TTLL12: variants seen among roughly 807,000 people sequenced by gnomAD.
TTLL12 encodes tubulin tyrosine ligase like 12.
In TTLL12, 77 loss-of-function variants were observed where a neutral mutation model predicts 79.6. The observed-to-expected ratio is 0.97, with a 90% confidence interval of 0.81 to 1.17. The LOEUF (loss-of-function observed/expected upper bound fraction) is 1.17, where lower values mean the gene tolerates loss of function less well. Among genes scored for constraint, TTLL12 ranks in the 50% most tolerant of loss-of-function variants. The pLI is 0.00. For missense variants in TTLL12, 969 were observed against 895.9 expected (o/e 1.08, Z -1.04); for synonymous variants, 437 against 376.1 (o/e 1.16, Z -1.87).
chr22:43,175,553 C>T (rs1034222427), intron 6 of TTLL12: 7 of 152,260 alleles, frequency 4.6e-5, no homozygotes, highest in Non-Finnish European at 1.0e-4. Context: ...CCTTGGTGCC[C>T]AGAGGACAGG....
intron 1 of TTLL12, among the ~76,000 whole-genome samples, chr22:43,186,324 T>A (rs1016610012): frequency 6.6e-6 from 1 of 151,966 alleles, no homozygotes; most frequent in African/African-American, 2.4e-5. Flanking sequence ...GGATGGGCCG[T>A]CCTCACAAAA....
rs537758484 is a variant in TTLL12, at chr22:43,181,745, C to T, written c.348-805G>A. ...AAAATGAAAGGGACAGCCAGTGTTC[C>T]AGTTCTTAGGCTGGGGGGCAAGTTC... On this transcript the variant is annotated intron_variant, in intron 2 of 13. Coordinates refer to ENST00000216129, the MANE Select transcript of TTLL12 (RefSeq NM_015140.4). 1.2e-3 allele frequency among the ~76,000 whole-genome samples: 179 copies of T among 152,318 alleles called. 2 individuals carry two copies. Among genetic ancestry groups the T allele is most frequent in the Admixed American group, 4.8e-3 (74 of 15,310 alleles).
Position 43,168,878 on chromosome 22 carries a change from TG to T in TTLL12, c.1678del (p.Gln560ArgfsTer28). ...GGGTGGTGGCTTGGCACAGGCCACC[TG>T]GAACAGCTCCGTGAAGGCCCGGAAG... ...EIFRAFTELF[Q>X]VACAKPPPLG... On this transcript the variant is annotated frameshift_variant, in exon 13 of 14. Transcript: ENST00000216129. LOFTEE classifies it high-confidence loss of function. 2 of 1,611,366 alleles carry T rather than the reference TG, an allele frequency of 1.2e-6. No individual in the cohort carries two copies. The highest frequency in any genetic ancestry group is 1.7e-6 in the Non-Finnish European group (2 of 1,179,166).
intron 1 of TTLL12, 97 bp from the exon 2 acceptor site, chr22:43,183,246 G>T (rs988511647): frequency 1.2e-5 from 17 of 1,473,392 alleles, no homozygotes; most frequent in Non-Finnish European, 1.4e-5. Context: ...CCACACCCAG[G>T]CCTCAAGGAC....
intron 5 of TTLL12, among the ~76,000 whole-genome samples, chr22:43,177,380 A>AT (rs200992521): frequency 6.8e-6 from 1 of 148,138 alleles, no homozygotes; most frequent in Non-Finnish European, 1.5e-5. Flanking sequence ...TAAAAAATTA[A>AT]AAAAAAAAAA....
At chr22:43,170,130 T>C (rs1601766715) in intron 11 of TTLL12, 1 of 356,138 alleles carries the variant, frequency 2.8e-6, no homozygotes, top group East Asian at 7.4e-5. Context: ...AAGGCCCCTA[T>C]GGAAGCCCGC....
chr22:43,186,196 C>CG (rs1555982125), intron 1 of TTLL12, among the ~76,000 whole-genome samples: 2 of 144,952 alleles, frequency 1.4e-5, no homozygotes, highest in African/African-American at 2.5e-5. Context: ...AACACCCCCC[C>CG]CCCCGCCAGC....
chr22:43,168,984 CCCA>C, intron 12 of TTLL12, 72 bp from the exon 13 acceptor site: 1 of 1,507,604 alleles, frequency 6.6e-7, no homozygotes, highest in Non-Finnish European at 8.9e-7. Flanking sequence ...GCTGCCCCTG[CCCA>C]AGTCCCGGGC....
chr22:43,169,345 C>G (rs1012828890), intron 12 of TTLL12, among the ~76,000 whole-genome samples, 155 bp downstream of exon 12: 2 of 152,216 alleles, frequency 1.3e-5, no homozygotes, highest in Non-Finnish European at 2.9e-5. Flanking sequence ...GGGGAGCCCA[C>G]GCTGTCTTGC....
intron 6 of TTLL12, 115 bp from the exon 7 acceptor site, chr22:43,174,730 C>A (rs1931859274): frequency 2.6e-6 from 2 of 767,076 alleles, no homozygotes; most frequent in Admixed American, 2.6e-5. Context: ...GAGGCAGAGG[C>A]AAGTCCTGGG....
At position 43,183,119 on chromosome 22, in the gene TTLL12, T is replaced by G; in HGVS notation, c.208A>C (p.Met70Leu). The change falls in exon 2 of 14, where the codon ATG (methionine) becomes CTG (leucine). Residue 70 changes from methionine (M) to leucine (L), a missense_variant. Met to Leu is a conservative substitution (Grantham distance 15, BLOSUM62 2). Transcript: ENST00000216129. Reference sequence around the variant, plus strand: ...TCCTCTTCTACCTCCTCCACTTGCATGATCCCAAACACTTCCCCAGCGTCG... The same window carrying G: ...TCCTCTTCTACCTCCTCCACTTGCAGGATCCCAAACACTTCCCCAGCGTCG... ...VFDAGEVFGI[M>L]QVEEVEEEED... The G allele has an allele frequency of 6.2e-7, 1 of 1,613,902 alleles. No homozygotes were observed. Among genetic ancestry groups the G allele is most frequent in the Non-Finnish European group, 8.5e-7 (1 of 1,179,986 alleles).
Position 43,179,714 on chromosome 22 carries a change from G to A in TTLL12, c.745C>T (p.Pro249Ser). 5 of 1,566,116 alleles carry A rather than the reference G, an allele frequency of 3.2e-6. No individual in the cohort carries two copies. The highest frequency in any genetic ancestry group is 4.3e-6 in the Non-Finnish European group (5 of 1,155,958). The change falls in exon 5 of 14, where the codon CCC becomes TCC. Residue 249 changes from proline (P) to serine (S), a missense_variant. Coordinates refer to ENST00000216129, the MANE Select transcript of TTLL12 (RefSeq NM_015140.4). ...AGCAGCATGCACTTCCGGATCAGGG[G>A]GTCCGTCTCTCCGTAGGCAAAGTCT... ...TRDFAYGETD[P>S]LIRKCMLLPW... is the part of the protein sequence containing the mutation.
chr22:43,183,363 A>C (rs937247829), intron 1 of TTLL12, among the ~76,000 whole-genome samples: 8 of 152,170 alleles, frequency 5.3e-5, no homozygotes, highest in Non-Finnish European at 1.0e-4. Context: ...CAGGGACCTA[A>C]TGTACCCCAC....
intron 1 of TTLL12, among the ~76,000 whole-genome samples, chr22:43,185,733 C>T (rs1029650669): frequency 6.6e-6 from 1 of 152,186 alleles, no homozygotes; most frequent in Admixed American, 6.5e-5. Flanking sequence ...GGCGAGTGAC[C>T]GCCCGAGGGA....
chr22:43,175,817 C>T (rs12159119), intron 6 of TTLL12: 3,337 of 150,780 alleles, frequency 0.022, 132 homozygotes, highest in African/African-American at 0.075. Flanking sequence ...TGATTACAGG[C>T]GCCAGCCACC....
rs751225547 is a variant in TTLL12, at chr22:43,179,933, TC to T, written c.613del (p.Asp205ThrfsTer25). ...DEFGSRIQHA[D>X]VPSFATAPFF... Reference sequence around the variant, plus strand: ...GGGTGCCGTGGCGAAGCTGGGCACGTCCGCGTGCTGGATCCGCGAACCGAAC... The same window carrying T: ...GGGTGCCGTGGCGAAGCTGGGCACGTCGCGTGCTGGATCCGCGAACCGAAC... On this transcript the variant is annotated frameshift_variant, in exon 4 of 14. Transcript: ENST00000216129. LOFTEE classifies it high-confidence loss of function. 6.2e-7 allele frequency: 1 copy of T among 1,610,998 alleles called. No individual in the cohort carries two copies. The highest frequency in any genetic ancestry group is 1.7e-5 in the Admixed American group (1 of 59,984).
chr22:43,182,921 T>C, intron 2 of TTLL12, 59 bp downstream of exon 2: 3 of 1,579,166 alleles, frequency 1.9e-6, no homozygotes, highest in Non-Finnish European at 2.6e-6. Context: ...TCTGCATTAC[T>C]GCATCTCCCA....
chr22:43,179,508 C>T, intron 5 of TTLL12, 111 bp downstream of exon 5: 1 of 1,398,014 alleles, frequency 7.2e-7, no homozygotes, highest in Non-Finnish European at 9.4e-7. Flanking sequence ...CCCACGGTAA[C>T]TGGCTCAGGG....
intron 5 of TTLL12, among the ~76,000 whole-genome samples, chr22:43,178,580 C>CA (rs1037745661): frequency 2.0e-5 from 3 of 152,220 alleles, no homozygotes; most frequent in Non-Finnish European, 4.4e-5. Flanking sequence ...CTCAGCCTCC[C>CA]AAAGTGCTGG....
Sources: allele counts gnomAD v4.1 joint callset (sites outside exome capture counted in the v4.1 genomes callset), GRCh38; gene constraint gnomAD v4.1.1; transcripts MANE v1.5; gene names NCBI Gene and HGNC (gene_info 2026-07-23, HGNC 2026-07-21).